PIEZO2: variants seen among roughly 807,000 people sequenced by gnomAD.
PIEZO2 encodes the protein piezo type mechanosensitive ion channel component 2, also known as piezo-type mechanosensitive ion channel component 2.
In PIEZO2, 172 loss-of-function variants were observed where a neutral mutation model predicts 337.3. The observed-to-expected ratio is 0.51, with a 90% CI of 0.45 to 0.58. PIEZO2 has a LOEUF of 0.58. PIEZO2 is among the 20% of genes least tolerant of loss of function. The pLI, the probability that PIEZO2 is intolerant of heterozygous loss-of-function variation, is 0.00. For missense variants in PIEZO2, 3,028 were observed against 3,391.3 expected, an observed-to-expected ratio of 0.89 and a Z score of 2.66; for synonymous variants, 1,251 against 1,228.5, an observed-to-expected ratio of 1.02 and a Z score of -0.38.
chr18:10,777,968 T>C (rs1178125977), intron 18 of PIEZO2, among the ~76,000 whole-genome samples: 1 of 152,166 alleles, frequency 6.6e-6, no homozygotes, highest in Non-Finnish European at 1.5e-5. Context: ...AGTTGCAACT[T>C]AACCACAATT....
chr18:10,922,292 G>T (rs1157735547), intron 3 of PIEZO2, among the ~76,000 whole-genome samples: 1 of 152,048 alleles, frequency 6.6e-6, no homozygotes, highest in Non-Finnish European at 1.5e-5. Flanking sequence ...TCTCAAACCA[G>T]CCAATGCTTA....
chr18:10,933,759 T>C (rs1240984379), intron 3 of PIEZO2, among the ~76,000 whole-genome samples: 2 of 152,174 alleles, frequency 1.3e-5, no homozygotes, highest in South Asian at 4.1e-4. Flanking sequence ...AATCCCCACA[T>C]GTCAAGGTCA....
At position 11,096,120 on chromosome 18, in the gene PIEZO2, G is replaced by A. The variant is rs780037507; in HGVS notation, c.65-29898C>T. On this transcript the variant is annotated intron_variant, in intron 1 of 55. Coordinates refer to ENST00000674853, the MANE Select transcript of PIEZO2 (RefSeq NM_001378183.1). The surrounding 1 kb of genome is among the most constrained non-coding windows in gnomAD (Gnocchi z 4.6). Reference sequence around the variant, plus strand: ...AAGTGAGGCTTCCATTCTCTAAGCCGGTCCACATGGAGCCCTCACTCTGTT... The same window carrying A: ...AAGTGAGGCTTCCATTCTCTAAGCCAGTCCACATGGAGCCCTCACTCTGTT... 1.1e-4 allele frequency among the ~76,000 whole-genome samples: 17 copies of A among 152,170 alleles called. No individual in the cohort carries two copies. The highest frequency in any genetic ancestry group is 3.2e-3 in the Middle Eastern group (1 of 316).
At position 10,770,141 on chromosome 18, in the gene PIEZO2, C is replaced by T. The variant is rs1386385039; in HGVS notation, c.2946+7G>A. The stretch of plus-strand genomic sequence containing the variant: ...TCAGCCTGATGATAGGACAAATGTT[C>T]ACTTGCCTCTTTCACAGAAACCCAG... On this transcript the variant is annotated splice_region_variant and intron_variant, in intron 21 of 55. Coordinates refer to ENST00000674853, the MANE Select transcript of PIEZO2 (RefSeq NM_001378183.1). 1.3e-6 allele frequency: 2 copies of T among 1,536,810 alleles called. No individual in the cohort carries two copies. Among genetic ancestry groups the T allele is most frequent in the Non-Finnish European group, 1.7e-6 (2 of 1,146,778 alleles).
At chr18:11,073,347 G>T (rs12608117) in intron 1 of PIEZO2, among the ~76,000 whole-genome samples, 78,716 of 152,004 alleles carry the variant, frequency 0.52, 22,359 homozygotes, top group East Asian at 0.97. Flanking sequence ...GGGCACCACT[G>T]CCACAGCTAA....
At position 10,807,321 on chromosome 18, in the gene PIEZO2, T is replaced by C. The variant is rs887141962; in HGVS notation, c.918-47A>G. 2.3e-5 allele frequency: 34 copies of C among 1,489,424 alleles called. No homozygotes were observed. The Middle Eastern group carries it at 1.0e-3, about 46-fold the overall frequency. 92.3% of individuals were successfully genotyped at this position (1,489,424 alleles called of 1,614,324 possible). A position where few individuals can be genotyped will look rare whatever the true frequency, so the allele number is the denominator to read the frequency against. Reference sequence around the variant, plus strand: ...TGCTTAAAAGATGCAATAAGCTATATGTCTCCAACATTGAATAAAAGTACT... The same window carrying C: ...TGCTTAAAAGATGCAATAAGCTATACGTCTCCAACATTGAATAAAAGTACT... On this transcript the variant is annotated intron_variant, in intron 7 of 55. Transcript: ENST00000674853.
At chr18:11,060,729 G>C (rs2037918591) in intron 2 of PIEZO2, among the ~76,000 whole-genome samples, 1 of 152,192 alleles carries the variant, frequency 6.6e-6, no homozygotes, top group Non-Finnish European at 1.5e-5. Context: ...TCTCTGAATA[G>C]ACCAATAACA....
rs955966316 is a variant in PIEZO2 at position 10,836,958 on chromosome 18, T to C, written c.917+18395A>G. On this transcript the variant is annotated intron_variant, in intron 7 of 55. Coordinates refer to ENST00000674853, the MANE Select transcript of PIEZO2 (RefSeq NM_001378183.1). ...ATGTATTTATTTCATCTTGGTAATA[T>C]GATCAAAGGAAGGGGAAGGGCCACT... Among the ~76,000 whole-genome samples the C allele has an allele frequency of 2.0e-5, 3 of 152,314 alleles. No homozygotes were observed. In the East Asian group the frequency reaches 5.8e-4, roughly 29 times the overall value.
chr18:11,096,679 G>A lies in PIEZO2; in HGVS notation c.65-30457C>T, dbSNP rs1260678716. ...CAACACACACACGTATCTACCTCTT[G>A]TCTTTCAAGGAGATATATCTAAAAA... is the stretch of plus-strand genomic sequence containing the variant. On this transcript the variant is annotated intron_variant, in intron 1 of 55. Coordinates refer to ENST00000674853, the MANE Select transcript of PIEZO2 (RefSeq NM_001378183.1). The surrounding 1 kb of genome is among the most constrained non-coding windows in gnomAD (Gnocchi z 4.6). Among the ~76,000 whole-genome samples, 1 of 152,088 alleles carries A rather than the reference G, an allele frequency of 6.6e-6. No homozygotes were observed. The highest frequency in any genetic ancestry group is 1.5e-5 in the Non-Finnish European group (1 of 68,018).
Position 10,715,670 on chromosome 18 carries a change from G to A in PIEZO2, c.5236C>T (p.Leu1746=), listed in dbSNP as rs1163556330. The change falls in exon 38 of 56, where the codon CTG becomes TTG. Residue 1746 remains leucine, a synonymous_variant. Coordinates refer to ENST00000674853, the MANE Select transcript of PIEZO2 (RefSeq NM_001378183.1). ...STVLRIERCM[L]TREIKKGNVP... is the part of the protein sequence containing the mutation. ...GTTACCTTCTTAATTTCTCTGGTCA[G>A]CATGCATCGTTCAATTCTCAGAACT... The A allele has an allele frequency of 3.9e-6, 6 of 1,534,156 alleles. No homozygotes were observed. The African/African-American group carries it at 8.2e-5, about 21-fold the overall frequency.
chr18:10,700,391 A>G (rs1164001248), intron 43 of PIEZO2, among the ~76,000 whole-genome samples: 2 of 151,928 alleles, frequency 1.3e-5, no homozygotes, highest in Non-Finnish European at 2.9e-5. Flanking sequence ...GAAAAGATTT[A>G]TCATTCTAAA....
rs1372101513 is a variant in PIEZO2 at position 11,032,676 on chromosome 18, T to TAA, written c.160+33450_160+33451insTT. On this transcript the variant is annotated intron_variant, in intron 2 of 55. Transcript: ENST00000674853. The surrounding 1 kb of genome is among the most constrained non-coding windows in gnomAD (Gnocchi z 4.9). Reference sequence around the variant, plus strand: ...GCAAATGCATTTCAGTTTTAAAATGTTACTGTTCACAGTAGCAGAAATCTC... The same window carrying TAA: ...GCAAATGCATTTCAGTTTTAAAATGTAATACTGTTCACAGTAGCAGAAATCTC... Among the ~76,000 whole-genome samples, 1 of 152,248 alleles carries TAA rather than the reference T, an allele frequency of 6.6e-6. No individual in the cohort carries two copies. The highest frequency in any genetic ancestry group is 2.4e-5 in the African/African-American group (1 of 41,470).
chr18:10,844,633 C>CA lies in PIEZO2; in HGVS notation c.917+10719dup, dbSNP rs1371236068. Among the ~76,000 whole-genome samples, 5 of 150,872 alleles carry CA rather than the reference C, an allele frequency of 3.3e-5. 1 individual carries two copies. Among genetic ancestry groups the CA allele is most frequent in the South Asian group, 4.2e-4 (2 of 4,780 alleles). ...GAAACCCCGTCTCTACTAAAAAATA[C>CA]AAAAAAATAGCTAGGCGTGGTGGTG... On this transcript the variant is annotated intron_variant, in intron 7 of 55. Transcript: ENST00000674853.
intron 4 of PIEZO2, among the ~76,000 whole-genome samples, chr18:10,883,424 C>A (rs2042480088): frequency 6.6e-6 from 1 of 152,086 alleles, no homozygotes; most frequent in Non-Finnish European, 1.5e-5. Flanking sequence ...TGCTCACCAG[C>A]ACCTCTTGTT....
Position 11,058,429 on chromosome 18 carries a change from G to C in PIEZO2, c.160+7698C>G, listed in dbSNP as rs566911649. 2.0e-5 allele frequency among the ~76,000 whole-genome samples: 3 copies of C among 152,308 alleles called. No homozygotes were observed. In the East Asian group the frequency reaches 5.8e-4, roughly 29 times the overall value. ...AATGGAACAAAGCTGGACGGAGAATGATTTTGACAAGTTGAGAGAAGAAGA... is the reference window on the plus strand; with the variant it reads ...AATGGAACAAAGCTGGACGGAGAATCATTTTGACAAGTTGAGAGAAGAAGA... On this transcript the variant is annotated intron_variant, in intron 2 of 55. Coordinates refer to ENST00000674853, the MANE Select transcript of PIEZO2 (RefSeq NM_001378183.1).
At chr18:10,812,422 G>A (rs563528842) in intron 7 of PIEZO2, among the ~76,000 whole-genome samples, 17 of 152,222 alleles carry the variant, frequency 1.1e-4, no homozygotes, top group East Asian at 9.7e-4. Flanking sequence ...AACACTCATC[G>A]GGTACTATAC....
rs2145446918 is a variant in PIEZO2 at position 10,973,018 on chromosome 18, A to G, written c.286+6517T>C. Among the ~76,000 whole-genome samples the G allele has an allele frequency of 6.6e-6, 1 of 152,342 alleles. No homozygotes were observed. Among genetic ancestry groups the G allele is most frequent in the Admixed American group, 6.5e-5 (1 of 15,304 alleles). ...CCCACCAGTAATACGATATGCAACTAGCTCACAGTCACCCAAGATCCTAAA... is the reference window on the plus strand; with the variant it reads ...CCCACCAGTAATACGATATGCAACTGGCTCACAGTCACCCAAGATCCTAAA... On this transcript the variant is annotated intron_variant, in intron 3 of 55. Transcript: ENST00000674853. This position sits in a 1 kb window ranked among gnomAD's most constrained non-coding sequence, Gnocchi z 4.9.
At chr18:10,822,811 G>C (rs1460923820) in intron 7 of PIEZO2, among the ~76,000 whole-genome samples, 1 of 152,172 alleles carries the variant, frequency 6.6e-6, no homozygotes, top group East Asian at 1.9e-4. Context: ...TGAACCAAAA[G>C]ACAGCCAACA....
chr18:10,701,901 C>T, intron 43 of PIEZO2, 88 bp downstream of exon 43: 2 of 1,219,650 alleles, frequency 1.6e-6, no homozygotes, highest in Non-Finnish European at 2.2e-6. Context: ...ATCACCAATC[C>T]TGATGTCCAG....
Sources: allele counts gnomAD v4.1 joint callset (sites outside exome capture counted in the v4.1 genomes callset), GRCh38; gene constraint gnomAD v4.1.1; non-coding constraint Gnocchi (gnomAD v3.1); transcripts MANE v1.5; gene names NCBI Gene and HGNC (gene_info 2026-07-23, HGNC 2026-07-21).